Variants in GALNT7 observed in about 807,000 individuals in gnomAD.
The protein encoded by GALNT7 is polypeptide N-acetylgalactosaminyltransferase 7, also known as N-acetylgalactosaminyltransferase 7.
A neutral mutation model predicts 82.1 loss-of-function variants in GALNT7; 60 were observed. The ratio of observed to expected loss-of-function variants is 0.73; its 90% confidence interval spans 0.59 to 0.91. The LOEUF (loss-of-function observed/expected upper bound fraction) is 0.91, where lower values mean the gene tolerates loss of function less well. Among genes scored for constraint, GALNT7 ranks in the 40% least tolerant of loss-of-function variants. The pLI is 0.00. For synonymous variants in GALNT7, 243 were observed against 275.1 expected (o/e 0.88, Z 1.15); for missense variants, 660 against 804.2 (o/e 0.82, Z 2.17).
At chr4:173,266,871 GTGTGTGTGT>G (rs1561181366) in intron 2 of GALNT7, among the ~76,000 whole-genome samples, 113 of 51,188 alleles carry the variant, frequency 2.2e-3, no homozygotes, top group Admixed American at 2.9e-3. Flanking sequence ...TGGGAAGGGT[GTGTGTGTGT>G]GTGTGTGTGT....
rs188105126 is a variant in GALNT7 at position 173,302,782 on chromosome 4, C to T, written c.1266+618C>T. On this transcript the variant is annotated intron_variant, in intron 7 of 11. Transcript: ENST00000265000. This position sits in a 1 kb window ranked among gnomAD's most constrained non-coding sequence, Gnocchi z 4.2. ...TACCTCTTGTCTTAAATGTCCTGTG[C>T]GTAGCACTGTGAGGGATAGAAGAGG... is the stretch of plus-strand genomic sequence containing the variant. Among the ~76,000 whole-genome samples, 8 of 152,344 alleles carry T rather than the reference C, an allele frequency of 5.3e-5. No homozygotes were observed. The highest frequency in any genetic ancestry group is 4.1e-4 in the South Asian group (2 of 4,828).
intron 8 of GALNT7, among the ~76,000 whole-genome samples, chr4:173,307,114 G>A (rs764517864): frequency 6.6e-6 from 1 of 152,232 alleles, no homozygotes; most frequent in Non-Finnish European, 1.5e-5. Context: ...TAGTGGCAGT[G>A]AGGCATGTTG....
intron 1 of GALNT7, among the ~76,000 whole-genome samples, chr4:173,214,140 GTTA>G (rs1733366666): frequency 6.6e-6 from 1 of 151,962 alleles, no homozygotes; most frequent in African/African-American, 2.4e-5. Context: ...ACCCAGTGTT[GTTA>G]TTATTATTTT....
intron 2 of GALNT7, among the ~76,000 whole-genome samples, chr4:173,265,307 T>C (rs1735441817): frequency 6.6e-6 from 1 of 152,212 alleles, no homozygotes; most frequent in Non-Finnish European, 1.5e-5. Context: ...CCATTTTGCC[T>C]GACATACTAA....
intron 1 of GALNT7, among the ~76,000 whole-genome samples, chr4:173,172,343 C>T (rs1272798612): frequency 2.0e-5 from 3 of 152,140 alleles, no homozygotes; most frequent in Non-Finnish European, 2.9e-5. Context: ...AGGCATTTTT[C>T]CCTTACAATT....
At chr4:173,290,526 A>G (rs1175787768) in intron 2 of GALNT7, among the ~76,000 whole-genome samples, 1 of 152,154 alleles carries the variant, frequency 6.6e-6, no homozygotes, top group African/African-American at 2.4e-5. Context: ...TCTCCTCCTC[A>G]GAAAAGGGAA....
At chr4:173,221,666 A>G (rs1733648577) in intron 1 of GALNT7, among the ~76,000 whole-genome samples, 1 of 152,230 alleles carries the variant, frequency 6.6e-6, no homozygotes, top group African/African-American at 2.4e-5. Flanking sequence ...TTAATATTTC[A>G]ATAGTATTAT....
At chr4:173,184,578 G>A (rs1732407651) in intron 1 of GALNT7, among the ~76,000 whole-genome samples, 1 of 149,022 alleles carries the variant, frequency 6.7e-6, no homozygotes, top group Admixed American at 6.7e-5. Context: ...GGCATCAGAG[G>A]GAGACCAGGG....
chr4:173,171,347 C>G (rs1374798488), intron 1 of GALNT7, among the ~76,000 whole-genome samples: 1 of 137,430 alleles, frequency 7.3e-6, no homozygotes, highest in African/African-American at 2.7e-5. Flanking sequence ...ATGGTGAGAT[C>G]TCTGCTTCTC....
chr4:173,265,286 G>C (rs1735439008), intron 2 of GALNT7, among the ~76,000 whole-genome samples: 1 of 152,170 alleles, frequency 6.6e-6, no homozygotes, highest in Admixed American at 6.5e-5. Context: ...AGCTCCAGGG[G>C]TGGAGGAAAC....
At chr4:173,297,706 A>G in intron 5 of GALNT7, 1 of 577,808 alleles carries the variant, frequency 1.7e-6, no homozygotes. Context: ...TGCACAAACA[A>G]ATCAACAACA....
intron 2 of GALNT7, among the ~76,000 whole-genome samples, chr4:173,285,865 A>G (rs1736301444): frequency 6.6e-6 from 1 of 152,234 alleles, no homozygotes; most frequent in African/African-American, 2.4e-5. Context: ...GGGTTCCATG[A>G]GGAAAACAGG....
At chr4:173,282,703 T>C (rs796315624) in intron 2 of GALNT7, among the ~76,000 whole-genome samples, 10 of 152,300 alleles carry the variant, frequency 6.6e-5, no homozygotes, top group African/African-American at 2.4e-4. Flanking sequence ...CATTTGGAGC[T>C]TGATGGCCTC....
chr4:173,227,677 G>A (rs914909043), intron 1 of GALNT7, among the ~76,000 whole-genome samples: 4 of 152,270 alleles, frequency 2.6e-5, no homozygotes, highest in Admixed American at 2.0e-4. Flanking sequence ...AGAGTGCTGT[G>A]TAGGACTTGA....
intron 1 of GALNT7, among the ~76,000 whole-genome samples, chr4:173,233,287 T>C (rs942057530): frequency 2.0e-5 from 3 of 152,204 alleles, no homozygotes; most frequent in African/African-American, 7.2e-5. Context: ...GTAGTTCTAT[T>C]TTTAGGTTTC....
At chr4:173,170,447 T>C (rs1731823563) in intron 1 of GALNT7, among the ~76,000 whole-genome samples, 1 of 152,214 alleles carries the variant, frequency 6.6e-6, no homozygotes, top group South Asian at 2.1e-4. Context: ...TTCGCCTATA[T>C]CATGAGATTA....
chr4:173,250,887 G>A (rs1032456911), intron 2 of GALNT7, among the ~76,000 whole-genome samples: 20 of 152,064 alleles, frequency 1.3e-4, no homozygotes, highest in Admixed American at 2.6e-4. Flanking sequence ...TTCTTCCCAT[G>A]ACGGGCTGGC....
chr4:173,222,520 A>C (rs2126691688), intron 1 of GALNT7, among the ~76,000 whole-genome samples: 1 of 152,306 alleles, frequency 6.6e-6, no homozygotes, highest in South Asian at 2.1e-4. Context: ...TTCTTTAAAA[A>C]TTATGCATTT....
rs1736965802 is a variant in GALNT7 at position 173,302,146 on chromosome 4, CTT to C, written c.1250_1251del (p.Phe417Ter). 1 of 1,432,046 alleles carries C rather than the reference CTT, an allele frequency of 7.0e-7. No individual in the cohort carries two copies. Among genetic ancestry groups the C allele is most frequent in the Non-Finnish European group, 9.9e-7 (1 of 1,013,952 alleles). 88.7% of individuals were successfully genotyped at this position (1,432,046 alleles called of 1,614,324 possible). On this transcript the variant is annotated frameshift_variant, in exon 7 of 12. Transcript: ENST00000265000. LOFTEE classifies it high-confidence loss of function. The surrounding 1 kb of genome is among the most constrained non-coding windows in gnomAD (Gnocchi z 4.2). ...PGLQIWGGEN[F>X]EISYKIWQCG... is the part of the protein sequence containing the mutation. ...GTCTCCAGATTTGGGGTGGTGAAAA[CTT>C]TGAGATCTCATACAAGGTAACATTT... is the stretch of plus-strand genomic sequence containing the variant.
Sources: gnomAD v4.1 joint callset for allele counts (sites outside exome capture counted in the v4.1 genomes callset) on GRCh38, gnomAD v4.1.1 for gene constraint, Gnocchi (gnomAD v3.1) non-coding constraint, MANE v1.5 for transcripts, NCBI Gene and HGNC (gene_info 2026-07-23, HGNC 2026-07-21) for gene names.